The following KDM1B variants were observed in gnomAD, a reference collection of about 807,000 sequenced individuals.
KDM1B encodes the protein lysine demethylase 1B.
KDM1B carries 63 observed loss-of-function variants against 107.4 expected under a neutral mutation model. The ratio of observed to expected loss-of-function variants is 0.59; its 90% CI spans 0.48 to 0.72. The LOEUF (loss-of-function observed/expected upper bound fraction) is 0.72. Ranked by LOEUF, KDM1B falls within the 30% of genes least tolerant of loss-of-function variation. KDM1B has a pLI of 0.00. For synonymous variants in KDM1B, 363 were observed against 363.9 expected (o/e 1.00, Z 0.03); for missense variants, 749 against 1,020.8 (o/e 0.73, Z 3.63).
rs564852213 is a variant in KDM1B, at chr6:18,186,058, A to T, written c.573+248A>T. 7.2e-5 allele frequency among the ~76,000 whole-genome samples: 11 copies of T among 152,328 alleles called. No individual in the cohort carries two copies. In the South Asian group the frequency reaches 2.3e-3, roughly 32 times the overall value. ...TCATTAAAAGGAAACAAAGAGGAAG[A>T]CACAGCTCTCCTGCCTTGCTCTAGG... On this transcript the variant is annotated intron_variant, in intron 8 of 21. Transcript: ENST00000650836. This position sits in a 1 kb window ranked among gnomAD's most constrained non-coding sequence, Gnocchi z 5.6.
At chr6:18,194,872 C>T (rs946280386) in intron 10 of KDM1B, among the ~76,000 whole-genome samples, 1 of 152,136 alleles carries the variant, frequency 6.6e-6, no homozygotes, top group African/African-American at 2.4e-5. Context: ...GTATAACCAT[C>T]ACCACTATCT....
intron 7 of KDM1B, among the ~76,000 whole-genome samples, chr6:18,173,204 T>C (rs1785777852): frequency 6.6e-6 from 1 of 152,216 alleles, no homozygotes; most frequent in South Asian, 2.1e-4. Flanking sequence ...TTTTGTAGTG[T>C]TATTCTTTTT....
intron 12 of KDM1B, among the ~76,000 whole-genome samples, chr6:18,199,252 G>T (rs992375215): frequency 6.6e-6 from 1 of 152,018 alleles, no homozygotes; most frequent in Non-Finnish European, 1.5e-5. Context: ...GAACTACAAG[G>T]TGCAGCCTTC....
rs977465200 is a variant in KDM1B, at chr6:18,203,581, G to A, written c.1531+1924G>A. Among the ~76,000 whole-genome samples, 6 of 152,100 alleles carry A rather than the reference G, an allele frequency of 3.9e-5. No homozygotes were observed. The highest frequency in any genetic ancestry group is 7.2e-5 in the African/African-American group (3 of 41,404). ...ATAAAAATCACACTGTGCTGGGCGC[G>A]GTGGCTAACGCCTGTAATCTCAGCA... On this transcript the variant is annotated intron_variant, in intron 14 of 21. Coordinates refer to ENST00000650836, the MANE Select transcript of KDM1B (RefSeq NM_001364614.2). The surrounding 1 kb of genome is among the most constrained non-coding windows in gnomAD (Gnocchi z 5.5).
intron 4 of KDM1B, 149 bp downstream of exon 4, chr6:18,161,603 G>A (rs576312285): frequency 2.4e-6 from 2 of 830,980 alleles, no homozygotes. Context: ...CAGACATTCT[G>A]TACACACCAC....
At chr6:18,181,762 A>T (rs1296312588) in intron 7 of KDM1B, among the ~76,000 whole-genome samples, 1 of 152,192 alleles carries the variant, frequency 6.6e-6, no homozygotes, top group Non-Finnish European at 1.5e-5. Context: ...AAAAGTAAAA[A>T]AGTTGAAATC....
rs1012013195 is a variant in KDM1B, at chr6:18,155,461, A to G, written c.-168A>G. 3 of 159,304 alleles carry G rather than the reference A, an allele frequency of 1.9e-5. No individual in the cohort carries two copies. The allele number at this position is 159,304 out of a possible 1,614,324, so 9.9% of individuals were successfully genotyped here. On this transcript the variant is annotated 5_prime_UTR_variant, in exon 1 of 22. Transcript: ENST00000650836. This position sits in a 1 kb window ranked among gnomAD's most constrained non-coding sequence, Gnocchi z 6.2. ...AGCGGCGGCGGCGGCGGCGGCCGAG[A>G]AGAGGCTGGGGCTCGCGGCGCGGCT...
rs1788524526 is a variant in KDM1B at position 18,208,231 on chromosome 6, T to G, written c.1866+25T>G. 3.2e-6 allele frequency: 5 copies of G among 1,562,574 alleles called. No individual in the cohort carries two copies. In the East Asian group the frequency reaches 1.1e-4, roughly 36 times the overall value. Reference sequence around the variant, plus strand: ...GGTAAGAGCTAGGGCAGTACAAGGGTGGGTAGAAACCTTTGCTGCCAGGGG... The same window carrying G: ...GGTAAGAGCTAGGGCAGTACAAGGGGGGGTAGAAACCTTTGCTGCCAGGGG... On this transcript the variant is annotated intron_variant, in intron 17 of 21. Coordinates refer to ENST00000650836, the MANE Select transcript of KDM1B (RefSeq NM_001364614.2).
At chr6:18,220,635 A>G (rs1479540590) in intron 21 of KDM1B, among the ~76,000 whole-genome samples, 2 of 152,228 alleles carry the variant, frequency 1.3e-5, no homozygotes, top group Non-Finnish European at 2.9e-5. Flanking sequence ...AAGGGGATAA[A>G]GGCTGCATGC....
chr6:18,188,034 T>C (rs746762389), intron 9 of KDM1B, 32 bp downstream of exon 9: 22 of 1,523,106 alleles, frequency 1.4e-5, no homozygotes, highest in South Asian at 1.2e-5. Context: ...CCCTGCTTTC[T>C]ATTCCCCGCT....
At chr6:18,210,516 C>CTCAGCTAATTAAAAATTTTTTTTT (rs1371714948) in intron 17 of KDM1B, among the ~76,000 whole-genome samples, 3 of 151,598 alleles carry the variant, frequency 2.0e-5, no homozygotes, top group African/African-American at 2.4e-5. Context: ...TGCCACCACA[C>CTCAGCTAATTAAAAATTTTTTTTT]TCAGCTAATT....
intron 21 of KDM1B, among the ~76,000 whole-genome samples, chr6:18,219,012 C>T (rs765421235): frequency 6.6e-6 from 1 of 152,142 alleles, no homozygotes; most frequent in African/African-American, 2.4e-5. Context: ...ACACCATTCT[C>T]CTGCCTCAGC....
intron 21 of KDM1B, among the ~76,000 whole-genome samples, chr6:18,220,873 G>A (rs1246096601): frequency 6.6e-6 from 1 of 151,654 alleles, no homozygotes; most frequent in African/African-American, 2.4e-5. Flanking sequence ...CTGCGTTCAA[G>A]CAATTCTGTT....
At chr6:18,207,337 G>A in intron 15 of KDM1B, 61 bp from the exon 16 acceptor site, 2 of 1,587,508 alleles carry the variant, frequency 1.3e-6, no homozygotes, top group Non-Finnish European at 8.6e-7. Flanking sequence ...CCTCATATTG[G>A]CTCTCAGGCA....
Position 18,191,451 on chromosome 6 carries a change from A to G in KDM1B, c.969+70A>G. ...CATGTTGAAAAGGAGGGGATACTTCATCTGGGGATGGAACCTTTTATGCCA... is the reference window on the plus strand; with the variant it reads ...CATGTTGAAAAGGAGGGGATACTTCGTCTGGGGATGGAACCTTTTATGCCA... On this transcript the variant is annotated intron_variant, in intron 10 of 21. Transcript: ENST00000650836. The surrounding 1 kb of genome is among the most constrained non-coding windows in gnomAD (Gnocchi z 5.1). 7.0e-7 allele frequency: 1 copy of G among 1,437,382 alleles called. No homozygotes were observed. The highest frequency in any genetic ancestry group is 2.5e-5 in the East Asian group (1 of 39,822). 89.0% of individuals were successfully genotyped at this position (1,437,382 alleles called of 1,614,324 possible).
intron 7 of KDM1B, among the ~76,000 whole-genome samples, chr6:18,174,578 G>T (rs957260572): frequency 5.3e-5 from 8 of 152,122 alleles, no homozygotes; most frequent in African/African-American, 1.9e-4. Flanking sequence ...AGTATACACT[G>T]CACCCTGTTT....
chr6:18,220,074 G>A (rs1432181113), intron 21 of KDM1B, among the ~76,000 whole-genome samples: 1 of 152,094 alleles, frequency 6.6e-6, no homozygotes, highest in East Asian at 1.9e-4. Context: ...ACTTCCAATG[G>A]CTGAGATTTT....
At position 18,211,054 on chromosome 6, in the gene KDM1B, A is replaced by G. The variant is rs777523928; in HGVS notation, c.1867-1434A>G. Among the ~76,000 whole-genome samples the G allele has an allele frequency of 2.0e-5, 3 of 152,134 alleles. No homozygotes were observed. The highest frequency in any genetic ancestry group is 4.4e-5 in the Non-Finnish European group (3 of 68,020). On this transcript the variant is annotated intron_variant, in intron 17 of 21. Coordinates refer to ENST00000650836, the MANE Select transcript of KDM1B (RefSeq NM_001364614.2). This position sits in a 1 kb window ranked among gnomAD's most constrained non-coding sequence, Gnocchi z 5.2. ...TTATTTTCTTGCAATTTAATTGGAT[A>G]GTAATTGGTTTTTTGTTGTGGTTTG...
rs1785753950 is a variant in KDM1B at position 18,172,990 on chromosome 6, T to C, written c.534+1511T>C. Among the ~76,000 whole-genome samples the C allele has an allele frequency of 6.6e-6, 1 of 150,838 alleles. No individual in the cohort carries two copies. Among genetic ancestry groups the C allele is most frequent in the Non-Finnish European group, 1.5e-5 (1 of 67,896 alleles). On this transcript the variant is annotated intron_variant, in intron 7 of 21. Coordinates refer to ENST00000650836, the MANE Select transcript of KDM1B (RefSeq NM_001364614.2). The surrounding 1 kb of genome is among the most constrained non-coding windows in gnomAD (Gnocchi z 5.2). Reference sequence around the variant, plus strand: ...TTGTAATCTCAGCTACTCGGGAGGCTAAGGTAGGAGAATCACTTGAACCCG... The same window carrying C: ...TTGTAATCTCAGCTACTCGGGAGGCCAAGGTAGGAGAATCACTTGAACCCG...
Sources: gnomAD v4.1 joint callset for allele counts (sites outside exome capture counted in the v4.1 genomes callset) on GRCh38, gnomAD v4.1.1 for gene constraint, Gnocchi (gnomAD v3.1) non-coding constraint, MANE v1.5 for transcripts, NCBI Gene and HGNC (gene_info 2026-07-23, HGNC 2026-07-21) for gene names.